SLC5A7: variants seen among roughly 807,000 people sequenced by gnomAD.
SLC5A7 encodes high affinity choline transporter 1.
SLC5A7 carries 19 observed loss-of-function variants against 55.4 expected under a neutral mutation model. That is an observed-to-expected ratio of 0.34 (90% CI 0.24 to 0.50). The LOEUF is 0.50. Among genes scored for constraint, SLC5A7 ranks in the 20% least tolerant of loss-of-function variants. The pLI is 0.98. For synonymous variants in SLC5A7, 265 were observed against 263.7 expected (o/e 1.00, Z -0.05); for missense variants, 506 against 705.3 (o/e 0.72, Z 3.20).
At chr2:107,986,795 G>C (rs867349222) in intron 1 of SLC5A7, 32 bp downstream of exon 1, 1 of 152,154 alleles carries the variant, frequency 6.6e-6, no homozygotes, top group Non-Finnish European at 1.5e-5. Flanking sequence ...CTGCGCCTAC[G>C]GGCCCGCACC....
At chr2:107,990,985 T>TAAGG (rs1677432221) in intron 2 of SLC5A7, among the ~76,000 whole-genome samples, 1 of 152,194 alleles carries the variant, frequency 6.6e-6, no homozygotes, top group Non-Finnish European at 1.5e-5. Flanking sequence ...AAATTCTGTA[T>TAAGG]AAGGATTGCT....
chr2:108,012,792 A>T lies in SLC5A7; in HGVS notation c.*1931A>T, dbSNP rs912257770. Reference sequence around the variant, plus strand: ...TCTCAGGTATTGATTGAAAAAAGAGAAAGGGGCAAGAAATTCATTAAAGAA... The same window carrying T: ...TCTCAGGTATTGATTGAAAAAAGAGTAAGGGGCAAGAAATTCATTAAAGAA... On this transcript the variant is annotated 3_prime_UTR_variant, in exon 9 of 9. Transcript: ENST00000264047. 1.3e-5 allele frequency: 2 copies of T among 152,106 alleles called. No homozygotes were observed. Among genetic ancestry groups the T allele is most frequent in the African/African-American group, 4.8e-5 (2 of 41,420 alleles). The allele number at this position is 152,106 out of a possible 1,614,324, so 9.4% of individuals were successfully genotyped here. A position where few individuals can be genotyped will look rare whatever the true frequency, so the allele number is the denominator to read the frequency against.
rs1171056453 is a variant in SLC5A7, at chr2:108,010,154, C to CA, written c.1114-72dup. The CA allele has an allele frequency of 8.5e-6, 13 of 1,520,844 alleles. No individual in the cohort carries two copies. The East Asian group carries it at 2.0e-4, about 24-fold the overall frequency. The allele number at this position is 1,520,844 out of a possible 1,614,324, so 94.2% of individuals were successfully genotyped here. A position where few individuals can be genotyped will look rare whatever the true frequency, so the allele number is the denominator to read the frequency against. ...AGAATTCTTTAGACCAGTTTTGAAG[C>CA]AAAAAATATGTCTCATTCTTTGCCT... On this transcript the variant is annotated intron_variant, in intron 8 of 8. Transcript: ENST00000264047.
At chr2:107,996,594 G>A (rs1185379930) in intron 4 of SLC5A7, among the ~76,000 whole-genome samples, 1 of 152,122 alleles carries the variant, frequency 6.6e-6, no homozygotes, top group East Asian at 1.9e-4. Flanking sequence ...ATTTAATAAT[G>A]TGACATGTAA....
At chr2:108,001,477 T>TC (rs1345414610) in intron 5 of SLC5A7, among the ~76,000 whole-genome samples, 5 of 151,364 alleles carry the variant, frequency 3.3e-5, no homozygotes, top group African/African-American at 9.7e-5. Flanking sequence ...ATCGAGACCA[T>TC]CCCGGCTATA....
At position 108,006,261 on chromosome 2, in the gene SLC5A7, A is replaced by T; in HGVS notation, c.895+59A>T. The T allele has an allele frequency of 2.5e-6, 4 of 1,591,160 alleles. No individual in the cohort carries two copies. In the South Asian group the frequency reaches 4.5e-5, roughly 18 times the overall value. Reference sequence around the variant, plus strand: ...TTAGTTTACCAATCCCCACCCAGACACCCTTCTGTCCCACTCCCCTCTTTC... The same window carrying T: ...TTAGTTTACCAATCCCCACCCAGACTCCCTTCTGTCCCACTCCCCTCTTTC... On this transcript the variant is annotated intron_variant, in intron 7 of 8. Coordinates refer to ENST00000264047, the MANE Select transcript of SLC5A7 (RefSeq NM_021815.5).
rs1558857326 is a variant in SLC5A7 at position 107,988,179 on chromosome 2, G to A, written c.24G>A (p.Leu8=). The A allele has an allele frequency of 6.2e-7, 1 of 1,613,922 alleles. No homozygotes were observed. ...AAATGGCTTTCCATGTGGAAGGACT[G>A]ATAGCTATCATCGTGTTCTACCTTC... The part of the protein sequence containing the change: MAFHVEG[L]IAIIVFYLLI... The change falls in exon 2 of 9, where the codon CTG becomes CTA. Residue 8 remains leucine, a synonymous_variant. Transcript: ENST00000264047.
In SLC5A7 at chr2:108,000,901, A is replaced by ATTTATTTAT. The variant is rs576136493; in HGVS notation, c.598-992_598-984dup. 6.8e-3 allele frequency among the ~76,000 whole-genome samples: 705 copies of ATTTATTTAT among 103,926 alleles called. 6 individuals are homozygous for ATTTATTTAT. The highest frequency in any genetic ancestry group is 0.032 in the Middle Eastern group (6 of 190). The allele number at this position is 103,926 out of a possible 152,430, so 68.2% of individuals were successfully genotyped here. On this transcript the variant is annotated intron_variant, in intron 5 of 8. Transcript: ENST00000264047. ...TGAGCCACAGTGCTCGGCACCATTT[A>ATTTATTTAT]TTTATTTATTTTTTAATACAATTCT...
intron 4 of SLC5A7, among the ~76,000 whole-genome samples, chr2:107,996,308 T>A (rs1677668797): frequency 6.6e-6 from 1 of 152,222 alleles, no homozygotes; most frequent in East Asian, 1.9e-4. Context: ...TTATCTCTCA[T>A]CCTTGTCTTC....
chr2:108,004,298 G>A (rs1306569001), intron 6 of SLC5A7, among the ~76,000 whole-genome samples: 1 of 152,080 alleles, frequency 6.6e-6, no homozygotes, highest in East Asian at 1.9e-4. Context: ...TGATAAAACA[G>A]GTCACAGAAT....
chr2:107,994,078 G>A (rs527274716), intron 4 of SLC5A7, among the ~76,000 whole-genome samples: 1 of 152,268 alleles, frequency 6.6e-6, no homozygotes, highest in East Asian at 1.9e-4. Context: ...GCTTAGATGT[G>A]TACCACATGG....
Position 107,986,669 on chromosome 2 carries a change from A to AC in SLC5A7, c.-143dup, listed in dbSNP as rs1282450989. ...CGCACTGCACCCCGACCCACCCCGCACCCTCCCTTTCTGCACCCTCGCACC... is the reference window on the plus strand; with the variant it reads ...CGCACTGCACCCCGACCCACCCCGCACCCCTCCCTTTCTGCACCCTCGCACC... On this transcript the variant is annotated 5_prime_UTR_variant, in exon 1 of 9. Coordinates refer to ENST00000264047, the MANE Select transcript of SLC5A7 (RefSeq NM_021815.5). The AC allele has an allele frequency of 7.0e-6, 1 of 143,546 alleles. No individual in the cohort carries two copies. The highest frequency in any genetic ancestry group is 2.2e-4 in the East Asian group (1 of 4,584). The allele number at this position is 143,546 out of a possible 1,614,324, so 8.9% of individuals were successfully genotyped here. A position where few individuals can be genotyped will look rare whatever the true frequency, so the allele number is the denominator to read the frequency against.
chr2:108,007,971 A>G (rs1271008752), intron 7 of SLC5A7, among the ~76,000 whole-genome samples: 3 of 152,222 alleles, frequency 2.0e-5, no homozygotes. Context: ...GTGAAATTCT[A>G]TGCAATGTGG....
chr2:108,008,719 A>G (rs1415880239), intron 8 of SLC5A7, 37 bp downstream of exon 8: 7 of 1,545,350 alleles, frequency 4.5e-6, no homozygotes, highest in Non-Finnish European at 5.3e-6. Flanking sequence ...ATTTACTAGC[A>G]TTGCTCTTGC....
intron 5 of SLC5A7, among the ~76,000 whole-genome samples, chr2:108,001,080 T>C (rs1375745635): frequency 6.6e-6 from 1 of 151,642 alleles, no homozygotes. Context: ...AATTCTTTAT[T>C]AGAACTCAAG....
Position 107,992,137 on chromosome 2 carries a change from C to T in SLC5A7, c.210C>T (p.Gly70=). Residue 70 remains glycine, a synonymous_variant, in exon 3 of 9, where the codon GGC becomes GGT. Coordinates refer to ENST00000264047, the MANE Select transcript of SLC5A7 (RefSeq NM_021815.5). ...ATWVGGGYIN[G]TAEAVYVPGY... is the part of the protein sequence containing the mutation. ...GGGTCGGAGGAGGGTATATCAATGG[C>T]ACAGCTGAAGCAGTTTATGTACCAG... 1 of 1,613,644 alleles carries T rather than the reference C, an allele frequency of 6.2e-7. No homozygotes were observed. The highest frequency in any genetic ancestry group is 8.5e-7 in the Non-Finnish European group (1 of 1,179,628).
chr2:107,999,788 T>C (rs978034216), intron 5 of SLC5A7, among the ~76,000 whole-genome samples: 3 of 152,148 alleles, frequency 2.0e-5, no homozygotes, highest in African/African-American at 7.2e-5. Flanking sequence ...CTCTCTCTCC[T>C]TCTTGTAAGG....
At chr2:107,990,794 A>T (rs1677425405) in intron 2 of SLC5A7, among the ~76,000 whole-genome samples, 1 of 152,314 alleles carries the variant, frequency 6.6e-6, no homozygotes, top group South Asian at 2.1e-4. Context: ...CATAAACACA[A>T]TAGAAACACA....
intron 5 of SLC5A7, among the ~76,000 whole-genome samples, chr2:107,998,552 C>G (rs1223589800): frequency 6.6e-6 from 1 of 152,132 alleles, no homozygotes. Context: ...ATTATTAGCA[C>G]TATATTAAAA....
Sources: gnomAD v4.1 joint callset for allele counts (sites outside exome capture counted in the v4.1 genomes callset) on GRCh38, gnomAD v4.1.1 for gene constraint, MANE v1.5 for transcripts, NCBI Gene and HGNC (gene_info 2026-07-23, HGNC 2026-07-21) for gene names.